The following ZNF536 variants were observed in gnomAD, a reference collection of about 807,000 sequenced individuals.
The protein encoded by ZNF536 is zinc finger protein 536.
Under a neutral mutation model 84.5 loss-of-function variants are expected in ZNF536, and 13 were observed. The observed-to-expected ratio is 0.15, with a 90% confidence interval of 0.10 to 0.24. The LOEUF (loss-of-function observed/expected upper bound fraction) is 0.24, where lower values mean the gene tolerates loss of function less well. Ranked by LOEUF, ZNF536 falls within the 10% of genes least tolerant of loss-of-function variation. The pLI, the probability that ZNF536 is intolerant of heterozygous loss-of-function variation, is 1.00. For missense variants in ZNF536, 1,536 were observed against 1,747.5 expected (o/e 0.88, Z 2.16); for synonymous variants, 811 against 742.5 (o/e 1.09, Z -1.50).
intron 1 of ZNF536, among the ~76,000 whole-genome samples, chr19:30,678,335 C>T (rs1226079888): frequency 2.6e-5 from 4 of 152,102 alleles, no homozygotes; most frequent in East Asian, 1.9e-4. Context: ...GAGAGGCTCA[C>T]GGCCTTTCTG....
At chr19:30,673,738 C>G (rs1366333271) in intron 1 of ZNF536, among the ~76,000 whole-genome samples, 1 of 152,234 alleles carries the variant, frequency 6.6e-6, no homozygotes, top group Non-Finnish European at 1.5e-5. Flanking sequence ...CCACCCCAAA[C>G]CGTGCACGGA....
In ZNF536 at chr19:30,576,211, G is replaced by C. The variant is rs2146610235; in HGVS notation, c.169+26697G>C. 1.3e-5 allele frequency among the ~76,000 whole-genome samples: 2 copies of C among 152,318 alleles called. 1 individual carries two copies. The highest frequency in any genetic ancestry group is 4.1e-4 in the South Asian group (2 of 4,832). ...TGGAGAGAGCAGGCTGCTGGGCGTG[G>C]GGGACCCATGGGTGGGAAGGTAGGA... On this transcript the variant is annotated intron_variant, in intron 1 of 1. Transcript: ENST00000592773.
In ZNF536 at chr19:30,610,440, C is replaced by T. The variant is rs141495204; in HGVS notation, c.169+60926C>T. Among the ~76,000 whole-genome samples the T allele has an allele frequency of 9.7e-4, 147 of 152,256 alleles. 1 individual carries two copies. The highest frequency in any genetic ancestry group is 3.4e-3 in the African/African-American group (143 of 41,540). ...GGCCAGTCCTTGTGGGGGTCTCCCC[C>T]TCTGGGTGGGGGAGGCTAAGTCTGT... On this transcript the variant is annotated intron_variant, in intron 1 of 1. Transcript: ENST00000592773.
At chr19:30,281,677 G>A (rs1025692924) in intron 1 of ZNF536, among the ~76,000 whole-genome samples, 7 of 152,182 alleles carry the variant, frequency 4.6e-5, no homozygotes, top group Non-Finnish European at 7.4e-5. Flanking sequence ...TGCTTTAAGA[G>A]GGAAGCAGGA....
At chr19:30,589,667 C>A (rs1276075951) in intron 1 of ZNF536, among the ~76,000 whole-genome samples, 1 of 152,036 alleles carries the variant, frequency 6.6e-6, no homozygotes, top group Non-Finnish European at 1.5e-5. Context: ...AGCTGGTCAC[C>A]ATAGTGAGCA....
upstream of ZNF536, chr19:30,228,142 T>C (rs1011037908): frequency 4.0e-5 from 6 of 151,480 alleles, no homozygotes; most frequent in Non-Finnish European, 5.9e-5. This position sits in a 1 kb window ranked among gnomAD's most constrained non-coding sequence, Gnocchi z 4.5. Flanking sequence ...ACTGGATTTT[T>C]ACTTTAAGAC....
chr19:30,473,323 ATTAGATATCCTTTGGTGTT>A (rs2053717083), intron 2 of ZNF536, among the ~76,000 whole-genome samples: 1 of 152,110 alleles, frequency 6.6e-6, no homozygotes, highest in Non-Finnish European at 1.5e-5. Flanking sequence ...CCCCCTAGAA[ATTAGATATCCTTTGGTGTT>A]TTAGCCCAGC....
rs1044380081 is a variant in ZNF536, at chr19:30,469,068, G to A, written c.2170+23336G>A. Among the ~76,000 whole-genome samples the A allele has an allele frequency of 3.3e-5, 5 of 152,258 alleles. No individual in the cohort carries two copies. The South Asian group carries it at 1.0e-3, about 32-fold the overall frequency. ...GCAGACCCACTCCCTGCAGCAGGAT[G>A]TCCCCTGCAACATGGTGCTGTTGAC... On this transcript the variant is annotated intron_variant, in intron 2 of 4. Transcript: ENST00000355537.
chr19:30,311,794 C>T (rs531578721), intron 2 of ZNF536, among the ~76,000 whole-genome samples: 4 of 152,118 alleles, frequency 2.6e-5, no homozygotes, highest in African/African-American at 9.7e-5. Context: ...TAAGGCTAAG[C>T]GTGGTGGCTC....
chr19:30,626,031 A>T (rs77317217), intron 1 of ZNF536, among the ~76,000 whole-genome samples: 5,247 of 152,308 alleles, frequency 0.034, 312 homozygotes, highest in African/African-American at 0.12. Flanking sequence ...ACAGTTATTT[A>T]CCAAGAAAAA....
chr19:30,548,245 A>G lies in ZNF536; in HGVS notation c.2626A>G (p.Met876Val), dbSNP rs779112682. The change falls in exon 4 of 5, where the codon ATG (methionine) becomes GTG (valine). Residue 876 changes from methionine (M) to valine (V), a missense_variant. Physicochemically the swap from Met to Val is conservative, Grantham distance 21. Coordinates refer to ENST00000355537, the MANE Select transcript of ZNF536 (RefSeq NM_014717.3). ...SGDHSGQATG[M>V]SSEVPSDALK... Reference sequence around the variant, plus strand: ...AGATCACTCGGGGCAGGCCACGGGCATGTCTTCGGAGGTCCCCTCAGATGC... The same window carrying G: ...AGATCACTCGGGGCAGGCCACGGGCGTGTCTTCGGAGGTCCCCTCAGATGC... The G allele has an allele frequency of 1.2e-6, 2 of 1,614,224 alleles. No individual in the cohort carries two copies. Among genetic ancestry groups the G allele is most frequent in the South Asian group, 2.2e-5 (2 of 91,086 alleles).
At chr19:30,579,685 C>T (rs920940405) in intron 1 of ZNF536, among the ~76,000 whole-genome samples, 1 of 152,200 alleles carries the variant, frequency 6.6e-6, no homozygotes, top group Non-Finnish European at 1.5e-5. Flanking sequence ...CTTGTAGGTA[C>T]TAATGCAATC....
intron 2 of ZNF536, among the ~76,000 whole-genome samples, chr19:30,484,886 G>A (rs1001535071): frequency 6.6e-6 from 1 of 152,006 alleles, no homozygotes; most frequent in African/African-American, 2.4e-5. Context: ...GCTCACGCCT[G>A]TAATCCCAGC....
chr19:30,334,911 G>A (rs2047332576), intron 2 of ZNF536, among the ~76,000 whole-genome samples: 1 of 152,182 alleles, frequency 6.6e-6, no homozygotes, highest in South Asian at 2.1e-4. Flanking sequence ...GGGGGTCTGG[G>A]CTCCTGTGAG....
intron 2 of ZNF536, among the ~76,000 whole-genome samples, chr19:30,529,331 G>C (rs1335417459): frequency 6.6e-6 from 1 of 152,132 alleles, no homozygotes; most frequent in East Asian, 1.9e-4. Context: ...CAACCTCAGG[G>C]GTGGTTTCAG....
chr19:30,551,754 G>A (rs1286249687), intron 4 of ZNF536, among the ~76,000 whole-genome samples: 1 of 152,134 alleles, frequency 6.6e-6, no homozygotes, highest in Non-Finnish European at 1.5e-5. Flanking sequence ...CATTCCATTT[G>A]GCCCCATTTC....
intron 1 of ZNF536, among the ~76,000 whole-genome samples, chr19:30,420,179 G>T (rs569642080): frequency 4.6e-5 from 7 of 152,134 alleles, no homozygotes; most frequent in Non-Finnish European, 8.8e-5. Context: ...TGTGCTCATG[G>T]GCCCTGTGCA....
At chr19:30,301,233 G>A (rs2046172108) in intron 2 of ZNF536, among the ~76,000 whole-genome samples, 3 of 152,160 alleles carry the variant, frequency 2.0e-5, no homozygotes, top group African/African-American at 4.8e-5. Flanking sequence ...GGAAACCGGC[G>A]ACAACTTACT....
chr19:30,629,835 G>A (rs1415887312), intron 1 of ZNF536, among the ~76,000 whole-genome samples: 2 of 152,190 alleles, frequency 1.3e-5, no homozygotes, highest in Non-Finnish European at 2.9e-5. Flanking sequence ...CCAAGGGCAG[G>A]GGCAGTGAGG....
Sources: allele counts gnomAD v4.1 joint callset (sites outside exome capture counted in the v4.1 genomes callset), GRCh38; gene constraint gnomAD v4.1.1; non-coding constraint Gnocchi (gnomAD v3.1); transcripts MANE v1.5; gene names NCBI Gene and HGNC (gene_info 2026-07-23, HGNC 2026-07-21).